CACNG8: variants seen among roughly 807,000 people sequenced by gnomAD.
The protein encoded by CACNG8 is voltage-dependent calcium channel gamma-8 subunit.
Under a neutral mutation model 26.9 loss-of-function variants are expected in CACNG8, and 5 were observed. The observed-to-expected ratio is 0.19, with a 90% confidence interval of 0.10 to 0.39. The LOEUF (loss-of-function observed/expected upper bound fraction) is 0.39. CACNG8 is among the 10% of genes least tolerant of loss of function. The probability of loss-of-function intolerance (pLI) is 1.00; values close to 1 mark genes in which losing one functional copy is unlikely to be tolerated. For missense variants in CACNG8, 473 were observed against 609.4 expected, an observed-to-expected ratio of 0.78 and a Z score of 2.36; for synonymous variants, 321 against 296.7, an observed-to-expected ratio of 1.08 and a Z score of -0.84.
chr19:53,981,981 C>A, intron 3 of CACNG8, 99 bp from the exon 4 acceptor site: 1 of 1,306,232 alleles, frequency 7.7e-7, no homozygotes. Context: ...CTGGGGGTGG[C>A]GCCTGGGCCC....
chr19:53,980,005 C>G lies in CACNG8; in HGVS notation c.506C>G (p.Ala169Gly). Residue 169 changes from alanine (A) to glycine (G), a missense_variant and splice_region_variant, in exon 3 of 4, where the codon GCA becomes GGA. Ala to Gly is a moderately conservative substitution (Grantham distance 60, BLOSUM62 0). Around this residue, in one of 6 missense-constraint regions of CACNG8, gnomAD observed 155 missense variants for 253.0 expected, o/e 0.61. Transcript: ENST00000270458. ...GGCGCAGGGATCCTGTTCGTGGCAG[C>G]AGGTGAGAGGCAGAGGGAGGGGGCG... 1 of 1,607,200 alleles carries G rather than the reference C, an allele frequency of 6.2e-7. No homozygotes were observed. The highest frequency in any genetic ancestry group is 8.5e-7 in the Non-Finnish European group (1 of 1,177,024).
At chr19:53,977,369 A>AT (rs2069335817) in intron 1 of CACNG8, among the ~76,000 whole-genome samples, 1 of 152,078 alleles carries the variant, frequency 6.6e-6, no homozygotes, top group Non-Finnish European at 1.5e-5. Context: ...TATATTTTTA[A>AT]TTTTTTTCTC....
At chr19:53,978,099 C>G (rs775472980) in intron 1 of CACNG8, 47 bp from the exon 2 acceptor site, 2 of 1,390,016 alleles carry the variant, frequency 1.4e-6, no homozygotes, top group South Asian at 2.4e-5. Context: ...GCCCCGCCCC[C>G]AACCCTGAAG....
Position 53,984,333 on chromosome 19 carries a change from G to C in CACNG8, c.*1484G>C, listed in dbSNP as rs886479293. On this transcript the variant is annotated 3_prime_UTR_variant, in exon 4 of 4. Coordinates refer to ENST00000270458, the MANE Select transcript of CACNG8 (RefSeq NM_031895.6). ...TCATCAAACACCGCCATCCAGGCAGGGCAATCGGTGCTGGAACCCGGACCA... is the reference window on the plus strand; with the variant it reads ...TCATCAAACACCGCCATCCAGGCAGCGCAATCGGTGCTGGAACCCGGACCA... The C allele has an allele frequency of 3.9e-5, 6 of 152,248 alleles. No individual in the cohort carries two copies. Among genetic ancestry groups the C allele is most frequent in the African/African-American group, 1.4e-4 (6 of 41,448 alleles). 9.4% of individuals were successfully genotyped at this position (152,248 alleles called of 1,614,324 possible). A position where few individuals can be genotyped will look rare whatever the true frequency, so the allele number is the denominator to read the frequency against.
intron 1 of CACNG8, among the ~76,000 whole-genome samples, chr19:53,966,238 C>T (rs527819104): frequency 6.6e-6 from 1 of 152,044 alleles, no homozygotes; most frequent in Non-Finnish European, 1.5e-5. Context: ...CAGGTGTGTG[C>T]CACCATGCCC....
rs946762071 is a variant in CACNG8 at position 53,963,071 on chromosome 19, C to T, written c.-72C>T. 1.8e-5 allele frequency: 18 copies of T among 1,014,770 alleles called. No homozygotes were observed. The highest frequency in any genetic ancestry group is 3.4e-4 in the Middle Eastern group (1 of 2,948). The allele number at this position is 1,014,770 out of a possible 1,614,324, so 62.9% of individuals were successfully genotyped here. On this transcript the variant is annotated 5_prime_UTR_variant, in exon 1 of 4. Transcript: ENST00000270458. ...TTCTGCCTGCGCTGTGAACCCCCCCCCAGCCGCCGGCACGGCCCCGCCCCC... is the reference window on the plus strand; with the variant it reads ...TTCTGCCTGCGCTGTGAACCCCCCCTCAGCCGCCGGCACGGCCCCGCCCCC...
chr19:53,972,794 T>C (rs1056756980), intron 1 of CACNG8, among the ~76,000 whole-genome samples: 1 of 152,140 alleles, frequency 6.6e-6, no homozygotes, highest in African/African-American at 2.4e-5. Flanking sequence ...AAGTGGTACG[T>C]TGGGATGTGT....
chr19:53,963,112 G>T lies in CACNG8; in HGVS notation c.-31G>T. ...CCCCGCCCCCGCTGCCCCGGTGGTG[G>T]CCCACGGCCCCCCGGCTGCCCGTGG... On this transcript the variant is annotated 5_prime_UTR_variant, in exon 1 of 4. Coordinates refer to ENST00000270458, the MANE Select transcript of CACNG8 (RefSeq NM_031895.6). The T allele has an allele frequency of 7.0e-7, 1 of 1,426,412 alleles. No individual in the cohort carries two copies. The highest frequency in any genetic ancestry group is 9.2e-7 in the Non-Finnish European group (1 of 1,086,256). 88.4% of individuals were successfully genotyped at this position (1,426,412 alleles called of 1,614,324 possible).
At chr19:53,979,787 G>A in intron 2 of CACNG8, 80 bp from the exon 3 acceptor site, 4 of 1,446,656 alleles carry the variant, frequency 2.8e-6, no homozygotes, top group Non-Finnish European at 1.9e-6. Context: ...CCGCGAGATG[G>A]GGGGCCGGGA....
intron 1 of CACNG8, among the ~76,000 whole-genome samples, chr19:53,969,747 G>A (rs1405219951): frequency 6.6e-6 from 1 of 152,184 alleles, no homozygotes; most frequent in Non-Finnish European, 1.5e-5. Context: ...GAGTGTGTCT[G>A]AGAGATGCAG....
intron 1 of CACNG8, among the ~76,000 whole-genome samples, chr19:53,972,361 C>CTTTTTTTTTTTTTTTTT (rs577196456): frequency 9.4e-6 from 1 of 106,288 alleles, no homozygotes; most frequent in Non-Finnish European, 1.8e-5. Flanking sequence ...TTCTTCTTTT[C>CTTTTTTTTTTTTTTTTT]TTTTTTTTTT....
chr19:53,980,022 G>T lies in CACNG8; in HGVS notation c.508+15G>T. ...CGTGGCAGCAGGTGAGAGGCAGAGG[G>T]AGGGGGCGACCGGGGCGGCCCACCT... On this transcript the variant is annotated intron_variant, in intron 3 of 3. Transcript: ENST00000270458. 2 of 1,599,034 alleles carry T rather than the reference G, an allele frequency of 1.3e-6. No individual in the cohort carries two copies. The highest frequency in any genetic ancestry group is 1.7e-6 in the Non-Finnish European group (2 of 1,172,788).
At chr19:53,977,662 A>C (rs975193619) in intron 1 of CACNG8, among the ~76,000 whole-genome samples, 7 of 152,176 alleles carry the variant, frequency 4.6e-5, no homozygotes, top group Non-Finnish European at 8.8e-5. Flanking sequence ...TGGACTCCAG[A>C]CTTCACGGGG....
At position 53,978,171 on chromosome 19, in the gene CACNG8, GATCA is replaced by G. The variant is rs2069341371; in HGVS notation, c.314_317del (p.Asn105IlefsTer66). On this transcript the variant is annotated frameshift_variant, in exon 2 of 4. Transcript: ENST00000270458. LOFTEE classifies it high-confidence loss of function. ...GGTTGAAAAGAGGCGTCTGCGTGAA[GATCA>G]ATCATTTCCCGGAGGACACGGACTA... The G allele has an allele frequency of 6.2e-7, 1 of 1,612,992 alleles. No individual in the cohort carries two copies. The highest frequency in any genetic ancestry group is 8.5e-7 in the Non-Finnish European group (1 of 1,179,814).
In CACNG8 at chr19:53,982,610, GGCGGAGGCGGCGGCGGGGCGGGT is replaced by G; in HGVS notation, c.1042_1064del (p.Gly348ArgfsTer141). 1 of 979,424 alleles carries G rather than the reference GGCGGAGGCGGCGGCGGGGCGGGT, an allele frequency of 1.0e-6. No homozygotes were observed. Among genetic ancestry groups the G allele is most frequent in the Non-Finnish European group, 1.2e-6 (1 of 826,054 alleles). 60.7% of individuals were successfully genotyped at this position (979,424 alleles called of 1,614,324 possible). On this transcript the variant is annotated frameshift_variant, in exon 4 of 4. Coordinates refer to ENST00000270458, the MANE Select transcript of CACNG8 (RefSeq NM_031895.6). LOFTEE classifies it high-confidence loss of function. The surrounding 1 kb of genome is among the most constrained non-coding windows in gnomAD (Gnocchi z 8.4). ...CGCGGCCGGGGGCGCCGGGGGCGGC[GGCGGAGGCGGCGGCGGGGCGGGT>G]GCCGAGCGGGACCGCGGGGGGGCGT...
Position 53,982,047 on chromosome 19 carries a change from C to T in CACNG8, c.509-33C>T. On this transcript the variant is annotated intron_variant, in intron 3 of 3. Transcript: ENST00000270458. The surrounding 1 kb of genome is among the most constrained non-coding windows in gnomAD (Gnocchi z 8.4). Reference sequence around the variant, plus strand: ...GGGGCGGGGGCGGGGCCGGGGGTGGCCTCGAGGCTCCCGTCTGACCGTCCC... The same window carrying T: ...GGGGCGGGGGCGGGGCCGGGGGTGGTCTCGAGGCTCCCGTCTGACCGTCCC... The T allele has an allele frequency of 1.3e-6, 2 of 1,522,116 alleles. No individual in the cohort carries two copies. Among genetic ancestry groups the T allele is most frequent in the East Asian group, 2.6e-5 (1 of 38,328 alleles). The allele number at this position is 1,522,116 out of a possible 1,614,324, so 94.3% of individuals were successfully genotyped here.
At chr19:53,977,424 T>G (rs1250109630) in intron 1 of CACNG8, among the ~76,000 whole-genome samples, 1 of 152,148 alleles carries the variant, frequency 6.6e-6, no homozygotes, top group Non-Finnish European at 1.5e-5. Context: ...TTCCCAAGGA[T>G]GAGAAAATAG....
At chr19:53,978,014 A>G (rs902042172) in intron 1 of CACNG8, 132 bp from the exon 2 acceptor site, 74 of 623,864 alleles carry the variant, frequency 1.2e-4, no homozygotes, top group Admixed American at 1.1e-4. Flanking sequence ...CTCAGGAGCC[A>G]GGACTTGCGG....
At position 53,987,609 on chromosome 19, in the gene CACNG8, CAGG is replaced by C. The variant is rs1216290376; in HGVS notation, c.*4762_*4764del. 1 of 152,320 alleles carries C rather than the reference CAGG, an allele frequency of 6.6e-6. No individual in the cohort carries two copies. Among genetic ancestry groups the C allele is most frequent in the Non-Finnish European group, 1.5e-5 (1 of 68,066 alleles). 9.4% of individuals were successfully genotyped at this position (152,320 alleles called of 1,614,324 possible). ...CATAGAGGAGGGAAGGAAAAGGAAC[CAGG>C]AAGAGAAGAACTCTCTGAATTGGGC... On this transcript the variant is annotated 3_prime_UTR_variant, in exon 4 of 4. Transcript: ENST00000270458.
Sources: allele counts gnomAD v4.1 joint callset (sites outside exome capture counted in the v4.1 genomes callset), GRCh38; gene constraint gnomAD v4.1.1; regional missense constraint gnomAD v4.1.1; non-coding constraint Gnocchi (gnomAD v3.1); transcripts MANE v1.5; gene names NCBI Gene and HGNC (gene_info 2026-07-23, HGNC 2026-07-21).